WARS1: variants seen among roughly 807,000 people sequenced by gnomAD.
The protein encoded by WARS1 is tryptophan--tRNA ligase, cytoplasmic.
In WARS1, 17 loss-of-function variants were observed where a neutral mutation model predicts 47.8. The ratio of observed to expected loss-of-function variants is 0.36; its 90% CI spans 0.24 to 0.53. The LOEUF is 0.53. Ranked by LOEUF, WARS1 falls within the 20% of genes least tolerant of loss-of-function variation. The pLI, the probability that WARS1 is intolerant of heterozygous loss-of-function variation, is 0.91. For synonymous variants in WARS1, 208 were observed against 228.1 expected (o/e 0.91, Z 0.79); for missense variants, 434 against 608.0 (o/e 0.71, Z 3.01).
At chr14:100,364,188 A>G (rs1459369452) in intron 2 of WARS1, among the ~76,000 whole-genome samples, 2 of 152,168 alleles carry the variant, frequency 1.3e-5, no homozygotes, top group African/African-American at 4.8e-5. Context: ...TTTAGAAGTT[A>G]CTTAAACAAA....
chr14:100,354,422 A>G (rs1895185221), intron 5 of WARS1, 25 bp downstream of exon 5: 1 of 1,605,410 alleles, frequency 6.2e-7, no homozygotes, highest in African/African-American at 1.3e-5. Flanking sequence ...AGAGAGTAAG[A>G]AAAGCCATAA....
At chr14:100,339,523 A>G (rs999719513) in intron 9 of WARS1, among the ~76,000 whole-genome samples, 27 of 145,740 alleles carry the variant, frequency 1.9e-4, no homozygotes, top group Admixed American at 1.1e-3. Context: ...CCTGGGAGGC[A>G]GAGCTTGCAG....
intron 2 of WARS1, chr14:100,365,428 A>G (rs983248883): frequency 1.3e-5 from 3 of 239,522 alleles, no homozygotes; most frequent in Non-Finnish European, 2.6e-5. Context: ...AAAAATACAA[A>G]AATTAGCCGG....
Position 100,334,725 on chromosome 14 carries a change from C to T in WARS1, c.*150G>A. 1.2e-6 allele frequency: 1 copy of T among 802,400 alleles called. No homozygotes were observed. Among genetic ancestry groups the T allele is most frequent in the East Asian group, 2.7e-5 (1 of 37,264 alleles). 49.7% of individuals were successfully genotyped at this position (802,400 alleles called of 1,614,324 possible). A position where few individuals can be genotyped will look rare whatever the true frequency, so the allele number is the denominator to read the frequency against. ...AAATAATGGAACTCACAGGAAGAAA[C>T]AGTATTGATAACATACACAGGCTTA... is the stretch of plus-strand genomic sequence containing the variant. On this transcript the variant is annotated 3_prime_UTR_variant, in exon 11 of 11. Coordinates refer to ENST00000392882, the MANE Select transcript of WARS1 (RefSeq NM_004184.4).
At chr14:100,370,711 T>C (rs574175205) in intron 1 of WARS1, among the ~76,000 whole-genome samples, 1 of 151,538 alleles carries the variant, frequency 6.6e-6, no homozygotes, top group Admixed American at 6.6e-5. Flanking sequence ...AACTTGCCCA[T>C]GGCTGGGCAT....
chr14:100,371,447 C>CAAAAAAAAAAAAAA lies in WARS1; in HGVS notation c.-73-2203_-73-2190dup, dbSNP rs60977618. Among the ~76,000 whole-genome samples, 189 of 89,082 alleles carry CAAAAAAAAAAAAAA rather than the reference C, an allele frequency of 2.1e-3. 14 individuals carry two copies. Among genetic ancestry groups the CAAAAAAAAAAAAAA allele is most frequent in the Non-Finnish European group, 4.2e-3 (147 of 34,676 alleles). 58.4% of individuals were successfully genotyped at this position (89,082 alleles called of 152,430 possible). A position where few individuals can be genotyped will look rare whatever the true frequency, so the allele number is the denominator to read the frequency against. ...CCTGGGTGACAGAAAGGTTCTGTCTCAAAAAAAAAAAAAAAAAAAAGTAGG... is the reference window on the plus strand; with the variant it reads ...CCTGGGTGACAGAAAGGTTCTGTCTCAAAAAAAAAAAAAAAAAAAAAAAAAAAAAAAAAAGTAGG... On this transcript the variant is annotated intron_variant, in intron 1 of 10. Coordinates refer to ENST00000392882, the MANE Select transcript of WARS1 (RefSeq NM_004184.4).
chr14:100,371,911 G>T lies in WARS1; in HGVS notation c.-73-2653C>A, dbSNP rs140692634. 6.1e-3 allele frequency among the ~76,000 whole-genome samples: 928 copies of T among 152,160 alleles called. 6 individuals carry two copies. The highest frequency in any genetic ancestry group is 0.01 in the Middle Eastern group (3 of 294). On this transcript the variant is annotated intron_variant, in intron 1 of 10. Transcript: ENST00000392882. ...CTAAGCCACCATATCCCCTGTGACC[G>T]GCACGTACACATCCAGATGGCCTTA...
intron 4 of WARS1, among the ~76,000 whole-genome samples, chr14:100,358,888 T>C (rs1895490998): frequency 6.6e-6 from 1 of 152,126 alleles, no homozygotes; most frequent in Non-Finnish European, 1.5e-5. Flanking sequence ...TCTAAAGATA[T>C]AAAAATTGTT....
chr14:100,350,319 G>A (rs1406062765), intron 6 of WARS1, among the ~76,000 whole-genome samples: 2 of 141,944 alleles, frequency 1.4e-5, no homozygotes, highest in African/African-American at 5.2e-5. Context: ...TTGAACCCAG[G>A]AGGCAGATAT....
At chr14:100,341,495 A>G (rs1894161385) in intron 9 of WARS1, among the ~76,000 whole-genome samples, 1 of 152,168 alleles carries the variant, frequency 6.6e-6, no homozygotes, top group African/African-American at 2.4e-5. Flanking sequence ...AGGGCATGTG[A>G]CATGCCTCAA....
rs139914390 is a variant in WARS1, at chr14:100,334,964, C to T, written c.1327G>A (p.Ala443Thr). The change falls in exon 11 of 11, where the codon GCA becomes ACA. Residue 443 changes from alanine (A) to threonine (T), a missense_variant. Ala to Thr is a moderately conservative substitution (Grantham distance 58). Around this residue, in one of 2 missense-constraint regions of WARS1, gnomAD observed 347 missense variants for 523.8 expected, o/e 0.66. Coordinates refer to ENST00000392882, the MANE Select transcript of WARS1 (RefSeq NM_004184.4). ...ALIEVLQPLI[A>T]EHQARRKEVT... ...TCCTTGCGCCGGGCCTGGTGCTCTGCGATCAAGGGCTGCAGAACCTCTATG... is the reference window on the plus strand; with the variant it reads ...TCCTTGCGCCGGGCCTGGTGCTCTGTGATCAAGGGCTGCAGAACCTCTATG... 73 of 1,614,072 alleles carry T rather than the reference C, an allele frequency of 4.5e-5. No homozygotes were observed. The highest frequency in any genetic ancestry group is 1.8e-4 in the East Asian group (8 of 44,892).
chr14:100,367,051 A>G lies in WARS1; in HGVS notation c.99+2036T>C, dbSNP rs930247006. The G allele has an allele frequency of 7.5e-5, 54 of 722,984 alleles. No homozygotes were observed. The African/African-American group carries it at 7.5e-4, about 10-fold the overall frequency. The allele number at this position is 722,984 out of a possible 1,614,324, so 44.8% of individuals were successfully genotyped here. A position where few individuals can be genotyped will look rare whatever the true frequency, so the allele number is the denominator to read the frequency against. ...ATTTAATACAGTAAAATAAGATTAA[A>G]AAAAAAAATCTCAGAGAGAAAAGGG... On this transcript the variant is annotated intron_variant, in intron 2 of 10. Transcript: ENST00000392882.
At chr14:100,339,126 C>CACACAT (rs1555377674) in intron 9 of WARS1, among the ~76,000 whole-genome samples, 3 of 130,606 alleles carry the variant, frequency 2.3e-5, no homozygotes, top group Non-Finnish European at 4.8e-5. Context: ...CACACACATA[C>CACACAT]ACACACACAC....
rs535494173 is a variant in WARS1, at chr14:100,372,232, CCT to C, written c.-73-2976_-73-2975del. ...AAACAACCTTGTTGCTCACACAAACCCTGTTTGGTGGTCTCTTCACACGGACA... is the reference window on the plus strand; with the variant it reads ...AAACAACCTTGTTGCTCACACAAACCGTTTGGTGGTCTCTTCACACGGACA... On this transcript the variant is annotated intron_variant, in intron 1 of 10. Coordinates refer to ENST00000392882, the MANE Select transcript of WARS1 (RefSeq NM_004184.4). Among the ~76,000 whole-genome samples the C allele has an allele frequency of 6.9e-3, 1,051 of 152,178 alleles. 4 individuals are homozygous for C. Among genetic ancestry groups the C allele is most frequent in the Non-Finnish European group, 0.012 (803 of 68,014 alleles).
At chr14:100,336,168 C>T (rs149419581) in intron 10 of WARS1, among the ~76,000 whole-genome samples, 4,279 of 148,842 alleles carry the variant, frequency 0.029, 201 homozygotes, top group African/African-American at 0.1. Flanking sequence ...CCCAGCTACT[C>T]GGGAGGCTGA....
At chr14:100,339,421 C>G (rs1394448923) in intron 9 of WARS1, among the ~76,000 whole-genome samples, 1 of 151,932 alleles carries the variant, frequency 6.6e-6, no homozygotes, top group Non-Finnish European at 1.5e-5. Flanking sequence ...GAAACCCCGT[C>G]TCTACCAAAA....
At chr14:100,358,590 A>G (rs968832941) in intron 4 of WARS1, among the ~76,000 whole-genome samples, 11 of 152,238 alleles carry the variant, frequency 7.2e-5, no homozygotes, top group Non-Finnish European at 7.3e-5. Context: ...AGAAGAAACC[A>G]TAGGTGTAAA....
In WARS1 at chr14:100,343,282, A is replaced by G. The variant is rs1431620444; in HGVS notation, c.932T>C (p.Ile311Thr). The G allele has an allele frequency of 6.2e-7, 1 of 1,611,334 alleles. No individual in the cohort carries two copies. Among genetic ancestry groups the G allele is most frequent in the Non-Finnish European group, 8.5e-7 (1 of 1,178,540 alleles). Residue 311 changes from isoleucine (I) to threonine (T), a missense_variant, in exon 8 of 11, where the codon ATT (isoleucine) becomes ACT (threonine). This residue lies in a region of WARS1 where 347 missense variants were observed against 523.8 expected (regional missense o/e 0.66). Coordinates refer to ENST00000392882, the MANE Select transcript of WARS1 (RefSeq NM_004184.4). ...GCTTTTCTGCCTGCTGACCTGGTCA[A>G]TGGCACATGGGATAAGGCACTGGAT... ...TDIQCLIPCAIDQDPYFRMTR... is the reference protein window; with the variant it reads ...TDIQCLIPCATDQDPYFRMTR...
chr14:100,358,185 T>C (rs900016340), intron 4 of WARS1, among the ~76,000 whole-genome samples: 2 of 152,088 alleles, frequency 1.3e-5, no homozygotes, highest in Non-Finnish European at 2.9e-5. Flanking sequence ...CAGGCTGGAG[T>C]GCAGTGGCGC....
Sources: gnomAD v4.1 joint callset for allele counts (sites outside exome capture counted in the v4.1 genomes callset) on GRCh38, gnomAD v4.1.1 for gene constraint, gnomAD v4.1.1 regional missense constraint, MANE v1.5 for transcripts, NCBI Gene and HGNC (gene_info 2026-07-23, HGNC 2026-07-21) for gene names.